The following TUSC3 variants were observed in gnomAD, a reference collection of about 807,000 sequenced individuals.
The protein encoded by TUSC3 is tumor suppressor candidate 3, also known as dolichyl-diphosphooligosaccharide--protein glycosyltransferase subunit TUSC3.
TUSC3 carries 45 observed loss-of-function variants against 44.8 expected under a neutral mutation model. That is an observed-to-expected ratio of 1.00 (90% CI 0.79 to 1.29). TUSC3 has a LOEUF of 1.29. Ranked by LOEUF, TUSC3 falls within the 50% of genes most tolerant of loss-of-function variation. TUSC3 has a pLI of 0.00. For synonymous variants in TUSC3, 212 were observed against 152.9 expected, an observed-to-expected ratio of 1.39 and a Z score of -2.85; for missense variants, 519 against 437.9, an observed-to-expected ratio of 1.19 and a Z score of -1.65.
chr8:15,441,858 C>A (rs575367423), intron 1 of TUSC3, among the ~76,000 whole-genome samples: 7 of 152,258 alleles, frequency 4.6e-5, no homozygotes, highest in African/African-American at 1.4e-4. Context: ...CAATGTCAAC[C>A]AAACAAGTGA....
the TUSC3 span, among the ~76,000 whole-genome samples, chr8:15,844,011 T>C: frequency 6.6e-6 from 1 of 152,140 alleles, no homozygotes. Context: ...AGAATTCCCT[T>C]CTCAAATATC....
chr8:15,728,705 C>CTATA (rs1219607851), intron 6 of TUSC3, among the ~76,000 whole-genome samples: 2 of 152,016 alleles, frequency 1.3e-5, no homozygotes, highest in Non-Finnish European at 2.9e-5. Flanking sequence ...ATGTGAGAAT[C>CTATA]AATATAGACA....
At chr8:15,553,043 T>C (rs897136576) in intron 1 of TUSC3, among the ~76,000 whole-genome samples, 1 of 151,648 alleles carries the variant, frequency 6.6e-6, no homozygotes, top group Non-Finnish European at 1.5e-5. Flanking sequence ...ATGACTACAT[T>C]TCTTGATAAA....
At chr8:15,592,493 T>C (rs992202645) in intron 1 of TUSC3, among the ~76,000 whole-genome samples, 1 of 152,038 alleles carries the variant, frequency 6.6e-6, no homozygotes, top group Non-Finnish European at 1.5e-5. Context: ...TGAGTTCTCA[T>C]TGTTGGTTCA....
chr8:15,807,308 T>A, the TUSC3 span: 1 of 480,812 alleles, frequency 2.1e-6, no homozygotes, highest in South Asian at 2.3e-5. Flanking sequence ...TAGGTCTCTA[T>A]TAAAAGTCAA....
chr8:15,682,864 T>A (rs191509045), intron 6 of TUSC3, among the ~76,000 whole-genome samples: 1 of 152,032 alleles, frequency 6.6e-6, no homozygotes, highest in Non-Finnish European at 1.5e-5. Context: ...ATGAATTCTC[T>A]TAGTGATTGA....
intron 6 of TUSC3, among the ~76,000 whole-genome samples, chr8:15,704,255 GTT>G (rs373598712): frequency 3.8e-4 from 52 of 137,038 alleles, no homozygotes; most frequent in African/African-American, 1.1e-3. Flanking sequence ...ATTCTTAATG[GTT>G]TTTTTTTTTT....
At chr8:15,461,694 T>C (rs373932850) in intron 1 of TUSC3, among the ~76,000 whole-genome samples, 252 of 151,916 alleles carry the variant, frequency 1.7e-3, no homozygotes, top group African/African-American at 5.9e-3. Flanking sequence ...TTTTATTACA[T>C]TGAGTTACGT....
At chr8:15,688,966 A>C (rs902353664) in intron 6 of TUSC3, 6 of 228,456 alleles carry the variant, frequency 2.6e-5, no homozygotes, top group African/African-American at 4.7e-5. Context: ...CATACAGGAG[A>C]CCTCTTTGCC....
At chr8:15,647,027 T>C (rs1354421319) in intron 2 of TUSC3, among the ~76,000 whole-genome samples, 2 of 152,130 alleles carry the variant, frequency 1.3e-5, no homozygotes, top group Admixed American at 1.3e-4. Context: ...AGACATCTTC[T>C]TCCCCATCAC....
intron 2 of TUSC3, among the ~76,000 whole-genome samples, chr8:15,535,064 C>G (rs1801504076): frequency 6.6e-6 from 1 of 152,180 alleles, no homozygotes. Flanking sequence ...TATTATTTTG[C>G]TTTAACATTT....
At chr8:15,849,806 C>G in the TUSC3 span, among the ~76,000 whole-genome samples, 4 of 83,590 alleles carry the variant, frequency 4.8e-5, no homozygotes, top group Admixed American at 3.9e-4. Context: ...AGGTTGAAGC[C>G]TACAAAAAAA....
At chr8:15,679,548 A>T (rs139846737) in intron 6 of TUSC3, among the ~76,000 whole-genome samples, 1 of 152,012 alleles carries the variant, frequency 6.6e-6, no homozygotes, top group Admixed American at 6.6e-5. Flanking sequence ...TAGGTTGTCA[A>T]TTTACTCAAT....
chr8:15,488,023 A>C (rs1337827094), intron 2 of TUSC3, among the ~76,000 whole-genome samples: 1 of 151,966 alleles, frequency 6.6e-6, no homozygotes, highest in Admixed American at 6.6e-5. Flanking sequence ...GGTCTCCAAA[A>C]AGTCAATTTT....
At chr8:15,784,662 G>T in the TUSC3 span, among the ~76,000 whole-genome samples, 1 of 152,060 alleles carries the variant, frequency 6.6e-6, no homozygotes, top group Non-Finnish European at 1.5e-5. Context: ...TAGCCAGGCA[G>T]AGAAAGACAA....
At chr8:15,706,730 C>G (rs183976021) in intron 6 of TUSC3, among the ~76,000 whole-genome samples, 1 of 152,090 alleles carries the variant, frequency 6.6e-6, no homozygotes, top group Admixed American at 6.6e-5. Context: ...GTGAAACAAA[C>G]TGCATTGAAC....
chr8:15,610,125 T>C (rs962021782), intron 1 of TUSC3, among the ~76,000 whole-genome samples: 16 of 152,332 alleles, frequency 1.1e-4, no homozygotes, highest in African/African-American at 3.6e-4. Flanking sequence ...GAATAAATTA[T>C]AATCAGTTTA....
intron 1 of TUSC3, among the ~76,000 whole-genome samples, chr8:15,612,361 G>T (rs932949923): frequency 6.6e-5 from 10 of 152,120 alleles, no homozygotes; most frequent in African/African-American, 2.4e-4. Flanking sequence ...AAACAAGAAA[G>T]AGTAAAAAAT....
At chr8:15,638,515 C>CTTTTTTTCT (rs1806199120) in intron 2 of TUSC3, among the ~76,000 whole-genome samples, 2 of 81,108 alleles carry the variant, frequency 2.5e-5, no homozygotes, top group Non-Finnish European at 4.4e-5. Flanking sequence ...TTCTTTTTTT[C>CTTTTTTTCT]TTTTTTTTTT....
Sources: allele counts gnomAD v4.1 joint callset (sites outside exome capture counted in the v4.1 genomes callset), GRCh38; gene constraint gnomAD v4.1.1; transcripts MANE v1.5; gene names NCBI Gene and HGNC (gene_info 2026-07-23, HGNC 2026-07-21).